The following DSG4 variants were observed in gnomAD, a reference collection of about 807,000 sequenced individuals.
DSG4 encodes desmoglein 4.
In DSG4, 87 loss-of-function variants were observed where a neutral mutation model predicts 93.1. The observed-to-expected ratio is 0.93, with a 90% confidence interval of 0.79 to 1.12. The LOEUF is 1.12. DSG4 is among the 50% of genes most tolerant of loss of function. The pLI is 0.00. For missense variants in DSG4, 1,373 were observed against 1,285.7 expected (o/e 1.07, Z -1.04); for synonymous variants, 432 against 452.9 (o/e 0.95, Z 0.59).
chr18:31,390,975 AT>A (rs2072242259), intron 6 of DSG4, 102 bp from the exon 7 acceptor site: 1 of 1,525,396 alleles, frequency 6.6e-7, no homozygotes, highest in African/African-American at 1.4e-5. Flanking sequence ...TATAAATTTC[AT>A]TGGATATGTA....
rs1197784961 is a variant in DSG4 at position 31,413,428 on chromosome 18, T to C, written c.2956T>C (p.Cys986Arg). Residue 986 changes from cysteine to arginine, a missense_variant, in exon 16 of 16, where the codon TGT becomes CGT. Transcript: ENST00000308128. Reference sequence around the variant, plus strand: ...GAGCAATAGTAGCACGACTGAGGGTTGTATGGGACCTGTGATGAGCGGCAA... The same window carrying C: ...GAGCAATAGTAGCACGACTGAGGGTCGTATGGGACCTGTGATGAGCGGCAA... ...DMSNSSTTEG[C>R]MGPVMSGNIL... 1 of 1,613,624 alleles carries C rather than the reference T, an allele frequency of 6.2e-7. No homozygotes were observed. The highest frequency in any genetic ancestry group is 1.7e-5 in the Admixed American group (1 of 60,014).
Position 31,381,382 on chromosome 18 carries a change from TA to T in DSG4, c.49-3743del, listed in dbSNP as rs199633630. ...GTCTCGAAAGGTAAATTTTGCAAAT[TA>T]AAAAAAAAAATGTTCATGGGATAAA... On this transcript the variant is annotated intron_variant, in intron 1 of 15. Transcript: ENST00000308128. Among the ~76,000 whole-genome samples, 732 of 147,600 alleles carry T rather than the reference TA, an allele frequency of 5.0e-3. 7 individuals carry two copies. Among genetic ancestry groups the T allele is most frequent in the African/African-American group, 0.013 (513 of 40,504 alleles).
At chr18:31,385,883 T>G (rs1466646563) in intron 2 of DSG4, among the ~76,000 whole-genome samples, 2 of 152,120 alleles carry the variant, frequency 1.3e-5, no homozygotes, top group African/African-American at 4.8e-5. Context: ...TATAATCACC[T>G]GTGTTTCAGG....
intron 1 of DSG4, among the ~76,000 whole-genome samples, chr18:31,384,571 C>A (rs2144165027): frequency 6.6e-6 from 1 of 152,146 alleles, no homozygotes; most frequent in East Asian, 1.9e-4. Flanking sequence ...AAAATAAATT[C>A]CAACTGACAA....
intron 12 of DSG4, among the ~76,000 whole-genome samples, chr18:31,407,352 C>T (rs2144211501): frequency 6.6e-6 from 1 of 152,264 alleles, no homozygotes; most frequent in Admixed American, 6.5e-5. Flanking sequence ...GTAGAAGAGA[C>T]TAGAACAGAG....
At chr18:31,392,952 G>C in intron 8 of DSG4, among the ~76,000 whole-genome samples, 1 of 152,172 alleles carries the variant, frequency 6.6e-6, no homozygotes, top group East Asian at 1.9e-4. Flanking sequence ...TCGATCTGCT[G>C]AGAACCTTGC....
intron 14 of DSG4, 81 bp downstream of exon 14, chr18:31,409,889 T>C: frequency 6.7e-7 from 1 of 1,486,942 alleles, no homozygotes; most frequent in South Asian, 1.2e-5. Flanking sequence ...AAAAGTACCT[T>C]ATGGAAAAGT....
rs144988472 is a variant in DSG4 at position 31,382,643 on chromosome 18, C to T, written c.49-2493C>T. Reference sequence around the variant, plus strand: ...TGATGGGGCTTATGATTTCATAGGGCCTGGGAGTAATACCTGGCAAGTTCC... The same window carrying T: ...TGATGGGGCTTATGATTTCATAGGGTCTGGGAGTAATACCTGGCAAGTTCC... On this transcript the variant is annotated intron_variant, in intron 1 of 15. Coordinates refer to ENST00000308128, the MANE Select transcript of DSG4 (RefSeq NM_177986.5). Among the ~76,000 whole-genome samples the T allele has an allele frequency of 2.2e-4, 34 of 152,160 alleles. 1 individual carries two copies. The South Asian group carries it at 5.4e-3, about 24-fold the overall frequency.
chr18:31,408,951 CA>C (rs1162659110), intron 12 of DSG4, among the ~76,000 whole-genome samples: 1 of 152,126 alleles, frequency 6.6e-6, no homozygotes, highest in African/African-American at 2.4e-5. Context: ...AGTCTATAAA[CA>C]AAGTCTTAAA....
chr18:31,410,444 T>C lies in DSG4; in HGVS notation c.2137+636T>C, dbSNP rs74378745. On this transcript the variant is annotated intron_variant, in intron 14 of 15. Coordinates refer to ENST00000308128, the MANE Select transcript of DSG4 (RefSeq NM_177986.5). ...ACACACACACATATATAAGTGTGTA[T>C]ATATACATATATCACAAAATATACG... Among the ~76,000 whole-genome samples the C allele has an allele frequency of 7.5e-3, 1,134 of 151,996 alleles. 13 individuals carry two copies. The highest frequency in any genetic ancestry group is 0.026 in the African/African-American group (1,085 of 41,448).
chr18:31,399,674 C>A, intron 9 of DSG4, 131 bp downstream of exon 9: 1 of 1,180,882 alleles, frequency 8.5e-7, no homozygotes, highest in Non-Finnish European at 1.2e-6. Flanking sequence ...ATTTAAAAGA[C>A]TATTAGAGCA....
At chr18:31,403,858 A>G (rs994160225) in intron 11 of DSG4, among the ~76,000 whole-genome samples, 6 of 152,210 alleles carry the variant, frequency 3.9e-5, no homozygotes, top group African/African-American at 1.4e-4. Flanking sequence ...TAATTTACAA[A>G]TAGTAGTGGA....
rs1174339087 is a variant in DSG4 at position 31,411,241 on chromosome 18, C to T, written c.2148C>T (p.Thr716=). 6.2e-7 allele frequency: 1 copy of T among 1,614,016 alleles called. No individual in the cohort carries two copies. Among genetic ancestry groups the T allele is most frequent in the Non-Finnish European group, 8.5e-7 (1 of 1,180,030 alleles). The change falls in exon 15 of 16, where the codon ACC becomes ACT. Residue 716 remains threonine (T), a synonymous_variant. Transcript: ENST00000308128. The part of the protein sequence containing the change: ...QDRMDSSEIY[T]NTYAAGGTVE... ...ATCCTCCCTTTTCAGAAATCTACAC[C>T]AACACCTATGCAGCCGGGGGCACGG... is the stretch of plus-strand genomic sequence containing the variant.
Position 31,413,812 on chromosome 18 carries a change from T to G in DSG4, c.*217T>G. 1.8e-6 allele frequency: 1 copy of G among 570,498 alleles called. No individual in the cohort carries two copies. The highest frequency in any genetic ancestry group is 3.0e-6 in the Non-Finnish European group (1 of 333,600). 35.3% of individuals were successfully genotyped at this position (570,498 alleles called of 1,614,324 possible). On this transcript the variant is annotated 3_prime_UTR_variant, in exon 16 of 16. Coordinates refer to ENST00000308128, the MANE Select transcript of DSG4 (RefSeq NM_177986.5). ...ATTCTTTCTGATTTTAAATAATGCG[T>G]CAAAAAATGTGCAGAAAATGTATTG...
At position 31,413,299 on chromosome 18, in the gene DSG4, G is replaced by A. The variant is rs749107183; in HGVS notation, c.2827G>A (p.Val943Ile). The change falls in exon 16 of 16, where the codon GTC becomes ATC. Residue 943 changes from valine (V) to isoleucine (I), a missense_variant. By Grantham distance (29) the Val-to-Ile change is conservative (BLOSUM62 3). Coordinates refer to ENST00000308128, the MANE Select transcript of DSG4 (RefSeq NM_177986.5). ...VVVTEAVMAP[V>I]YDIQGNICVP... is the part of the protein sequence containing the mutation. ...AGTAACCGAAGCAGTAATGGCACCTGTCTATGATATTCAAGGGAATATTTG... is the reference window on the plus strand; with the variant it reads ...AGTAACCGAAGCAGTAATGGCACCTATCTATGATATTCAAGGGAATATTTG... 3 of 1,614,012 alleles carry A rather than the reference G, an allele frequency of 1.9e-6. No homozygotes were observed. Among genetic ancestry groups the A allele is most frequent in the African/African-American group, 1.3e-5 (1 of 74,886 alleles).
At chr18:31,388,802 CTGATA>C in intron 4 of DSG4, 67 bp from the exon 5 acceptor site, 1 of 1,608,076 alleles carries the variant, frequency 6.2e-7, no homozygotes, top group Non-Finnish European at 8.5e-7. Context: ...TGCCTATTTT[CTGATA>C]TATTTTCAAG....
chr18:31,402,781 C>A (rs560877007), intron 10 of DSG4, among the ~76,000 whole-genome samples: 81 of 152,278 alleles, frequency 5.3e-4, no homozygotes, highest in Admixed American at 1.7e-3. Context: ...GACTCCTAAT[C>A]TTTAGTCTTT....
At chr18:31,410,759 C>G (rs150722565) in intron 14 of DSG4, among the ~76,000 whole-genome samples, 1 of 152,302 alleles carries the variant, frequency 6.6e-6, no homozygotes, top group Non-Finnish European at 1.5e-5. Context: ...TCCTTAGTAT[C>G]CCAAGCTTGG....
At position 31,385,509 on chromosome 18, in the gene DSG4, C is replaced by A. The variant is rs562527712; in HGVS notation, c.84+338C>A. Among the ~76,000 whole-genome samples the A allele has an allele frequency of 3.3e-5, 5 of 152,200 alleles. No homozygotes were observed. In the East Asian group the frequency reaches 9.7e-4, roughly 29 times the overall value. The stretch of plus-strand genomic sequence containing the variant: ...TGTTTAGACACATTAGACAGAAAGA[C>A]AATTAATGGTTCATCAATGAGAAAA... On this transcript the variant is annotated intron_variant, in intron 2 of 15. Coordinates refer to ENST00000308128, the MANE Select transcript of DSG4 (RefSeq NM_177986.5).
Sources: allele counts gnomAD v4.1 joint callset (sites outside exome capture counted in the v4.1 genomes callset), GRCh38; gene constraint gnomAD v4.1.1; transcripts MANE v1.5; gene names NCBI Gene and HGNC (gene_info 2026-07-23, HGNC 2026-07-21).